Variants in TBCD observed in about 807,000 individuals in gnomAD.
TBCD encodes tubulin-specific chaperone D.
A neutral mutation model predicts 169.3 loss-of-function variants in TBCD; 105 were observed. The observed-to-expected ratio is 0.62, with a 90% CI of 0.53 to 0.73. The LOEUF (loss-of-function observed/expected upper bound fraction) is 0.73. Among genes scored for constraint, TBCD ranks in the 30% least tolerant of loss-of-function variants. TBCD has a pLI of 0.00. For missense variants in TBCD, 1,444 were observed against 1,600.1 expected, an observed-to-expected ratio of 0.90 and a Z score of 1.66; for synonymous variants, 700 against 643.9, an observed-to-expected ratio of 1.09 and a Z score of -1.32.
At chr17:82,758,488 G>A (rs754795872) in intron 2 of TBCD, among the ~76,000 whole-genome samples, 7 of 147,956 alleles carry the variant, frequency 4.7e-5, no homozygotes, top group South Asian at 4.3e-4. Flanking sequence ...GGGTTCAAGC[G>A]GTTCACCCAC....
In TBCD at chr17:82,827,062, C is replaced by T. The variant is rs902890793; in HGVS notation, c.1318+12128C>T. Reference sequence around the variant, plus strand: ...CTGGGATGACAGGTGTGAGCCACTACGCCCGGCCCCTATTTTTACTTTCAG... The same window carrying T: ...CTGGGATGACAGGTGTGAGCCACTATGCCCGGCCCCTATTTTTACTTTCAG... On this transcript the variant is annotated intron_variant, in intron 13 of 38. Coordinates refer to ENST00000355528, the MANE Select transcript of TBCD (RefSeq NM_005993.5). Among the ~76,000 whole-genome samples the T allele has an allele frequency of 4.6e-5, 7 of 152,362 alleles. No homozygotes were observed. In the East Asian group the frequency reaches 5.8e-4, roughly 13 times the overall value.
intron 13 of TBCD, chr17:82,830,615 C>G (rs766578118): frequency 4.4e-5 from 71 of 1,614,040 alleles, no homozygotes; most frequent in Admixed American, 8.3e-5. Flanking sequence ...CCGGGGAAGG[C>G]AGGCCTCGGA....
rs746110500 is a variant in TBCD, at chr17:82,922,986, G to A, written c.2179-666G>A. 5.9e-5 allele frequency among the ~76,000 whole-genome samples: 9 copies of A among 152,200 alleles called. No individual in the cohort carries two copies. Among genetic ancestry groups the A allele is most frequent in the Admixed American group, 1.3e-4 (2 of 15,278 alleles). ...GCTCCTGCTCTGTGCAGCAATTGCC[G>A]TCCCTCCCACCACGGTTCCTGGTGG... On this transcript the variant is annotated intron_variant, in intron 25 of 38. Transcript: ENST00000355528. This position sits in a 1 kb window ranked among gnomAD's most constrained non-coding sequence, Gnocchi z 4.1.
Position 82,915,942 on chromosome 17 carries a change from T to C in TBCD, c.2038+4153T>C, listed in dbSNP as rs1599520663. ...CCCTGTACACACCTGCCACCTCCCCTGTCCCCTCAGCAGAGACATGGCCGG... is the reference window on the plus strand; with the variant it reads ...CCCTGTACACACCTGCCACCTCCCCCGTCCCCTCAGCAGAGACATGGCCGG... On this transcript the variant is annotated intron_variant, in intron 23 of 38. Coordinates refer to ENST00000355528, the MANE Select transcript of TBCD (RefSeq NM_005993.5). The surrounding 1 kb of genome is among the most constrained non-coding windows in gnomAD (Gnocchi z 4.3). Among the ~76,000 whole-genome samples the C allele has an allele frequency of 6.6e-6, 1 of 152,208 alleles. No individual in the cohort carries two copies. The highest frequency in any genetic ancestry group is 1.5e-5 in the Non-Finnish European group (1 of 68,028).
At chr17:82,754,507 C>G (rs2047299698) in intron 1 of TBCD, among the ~76,000 whole-genome samples, 1 of 152,238 alleles carries the variant, frequency 6.6e-6, no homozygotes, top group Non-Finnish European at 1.5e-5. Flanking sequence ...AGAATAATGG[C>G]TGGCAATTAG....
intron 17 of TBCD, among the ~76,000 whole-genome samples, chr17:82,895,044 T>G (rs1308828992): frequency 6.6e-6 from 1 of 152,232 alleles, no homozygotes; most frequent in Non-Finnish European, 1.5e-5. Context: ...TATGGGAAGC[T>G]TCAGCATATT....
Position 82,890,405 on chromosome 17 carries a change from CG to C in TBCD, c.1563+712del, listed in dbSNP as rs2059048129. 6.6e-6 allele frequency among the ~76,000 whole-genome samples: 1 copy of C among 152,136 alleles called. No individual in the cohort carries two copies. The highest frequency in any genetic ancestry group is 6.5e-5 in the Admixed American group (1 of 15,274). On this transcript the variant is annotated intron_variant, in intron 16 of 38. Transcript: ENST00000355528. This position sits in a 1 kb window ranked among gnomAD's most constrained non-coding sequence, Gnocchi z 5.3. ...TCCCGGACAGCAAAGCAAATGCAGCCGGGGTCTGGGCTGTGGCCAGGTGGTG... is the reference window on the plus strand; with the variant it reads ...TCCCGGACAGCAAAGCAAATGCAGCCGGGTCTGGGCTGTGGCCAGGTGGTG...
At chr17:82,824,678 TTTGTCA>T (rs2052690620) in intron 13 of TBCD, among the ~76,000 whole-genome samples, 1 of 152,210 alleles carries the variant, frequency 6.6e-6, no homozygotes, top group Non-Finnish European at 1.5e-5. Flanking sequence ...GATCCATTCA[TTTGTCA>T]GTGGACGCTT....
chr17:82,768,173 G>A (rs1217728764), intron 4 of TBCD, among the ~76,000 whole-genome samples: 1 of 152,120 alleles, frequency 6.6e-6, no homozygotes, highest in Admixed American at 6.5e-5. Context: ...ATTTTTCTTT[G>A]TTCATTTTGA....
At chr17:82,758,730 G>A (rs1396975432) in intron 2 of TBCD, among the ~76,000 whole-genome samples, 6 of 144,554 alleles carry the variant, frequency 4.2e-5, no homozygotes, top group Non-Finnish European at 8.9e-5. Flanking sequence ...CCCAATCTTG[G>A]CTCACTGCAA....
At chr17:82,839,030 T>G (rs533432002) in intron 13 of TBCD, 1 of 949,722 alleles carries the variant, frequency 1.1e-6, no homozygotes, top group Admixed American at 6.2e-5. Flanking sequence ...CTTTTGTATC[T>G]GTGTCTATAT....
intron 6 of TBCD, among the ~76,000 whole-genome samples, chr17:82,773,875 C>T (rs1216980970): frequency 6.6e-6 from 1 of 151,680 alleles, no homozygotes; most frequent in Non-Finnish European, 1.5e-5. Flanking sequence ...TACAGGTGCC[C>T]GCCACCATGC....
At position 82,915,928 on chromosome 17, in the gene TBCD, C is replaced by T. The variant is rs1303172635; in HGVS notation, c.2038+4139C>T. ...CTCCATCTCTGATGCCCTGTACACA[C>T]CTGCCACCTCCCCTGTCCCCTCAGC... On this transcript the variant is annotated intron_variant, in intron 23 of 38. Transcript: ENST00000355528. This position sits in a 1 kb window ranked among gnomAD's most constrained non-coding sequence, Gnocchi z 4.3. Among the ~76,000 whole-genome samples the T allele has an allele frequency of 6.6e-6, 1 of 152,206 alleles. No homozygotes were observed. The highest frequency in any genetic ancestry group is 1.5e-5 in the Non-Finnish European group (1 of 68,036).
At chr17:82,786,737 C>T (rs1266058333) in intron 7 of TBCD, among the ~76,000 whole-genome samples, 1 of 151,926 alleles carries the variant, frequency 6.6e-6, no homozygotes, top group Non-Finnish European at 1.5e-5. Context: ...GGGTGCAGGG[C>T]TCCGAGTCCT....
intron 4 of TBCD, 61 bp from the exon 5 acceptor site, chr17:82,768,359 T>A: frequency 1.2e-6 from 2 of 1,600,442 alleles, no homozygotes; most frequent in Non-Finnish European, 1.7e-6. Flanking sequence ...TTGAGTAGAT[T>A]GTGGCCAGTG....
At chr17:82,855,993 C>CCCTTTTT (rs373747821) in intron 13 of TBCD, among the ~76,000 whole-genome samples, 3 of 66,268 alleles carry the variant, frequency 4.5e-5, no homozygotes, top group African/African-American at 2.1e-4. Context: ...TCCCCCCCCA[C>CCCTTTTT]TTTTTTTTTT....
chr17:82,809,118 A>AT (rs1309486160), intron 11 of TBCD, among the ~76,000 whole-genome samples: 1 of 151,970 alleles, frequency 6.6e-6, no homozygotes, highest in Admixed American at 6.6e-5. Context: ...TACGCAGGGG[A>AT]TGGCTTTTCA....
chr17:82,850,837 G>A (rs767661265), intron 13 of TBCD, among the ~76,000 whole-genome samples: 1 of 152,224 alleles, frequency 6.6e-6, no homozygotes, highest in African/African-American at 2.4e-5. Flanking sequence ...TAATAGGTCT[G>A]CAGAGATAAA....
Position 82,903,484 on chromosome 17 carries a change from T to C in TBCD, c.1804+6T>C. 6.3e-7 allele frequency: 1 copy of C among 1,589,864 alleles called. No individual in the cohort carries two copies. The highest frequency in any genetic ancestry group is 8.6e-7 in the Non-Finnish European group (1 of 1,168,278). On this transcript the variant is annotated splice_donor_region_variant and intron_variant, in intron 19 of 38. Transcript: ENST00000355528. The surrounding 1 kb of genome is among the most constrained non-coding windows in gnomAD (Gnocchi z 4.8). Reference sequence around the variant, plus strand: ...CGAGTTCAGCGCCACGCAAGGTGGGTGTGTGTCCCGGCCGGCCTGCGGGCA... The same window carrying C: ...CGAGTTCAGCGCCACGCAAGGTGGGCGTGTGTCCCGGCCGGCCTGCGGGCA...
Sources: gnomAD v4.1 joint callset for allele counts (sites outside exome capture counted in the v4.1 genomes callset) on GRCh38, gnomAD v4.1.1 for gene constraint, Gnocchi (gnomAD v3.1) non-coding constraint, MANE v1.5 for transcripts, NCBI Gene and HGNC (gene_info 2026-07-23, HGNC 2026-07-21) for gene names.